The following STPG2 variants were observed in gnomAD, a reference collection of about 807,000 sequenced individuals.
STPG2 encodes sperm-tail PG-rich repeat-containing protein 2.
A neutral mutation model predicts 54.2 loss-of-function variants in STPG2; 56 were observed. The ratio of observed to expected loss-of-function variants is 1.03; its 90% CI spans 0.83 to 1.29. The LOEUF (loss-of-function observed/expected upper bound fraction) is 1.29. Ranked by LOEUF, STPG2 falls within the 50% of genes most tolerant of loss-of-function variation. STPG2 has a pLI of 0.00. For synonymous variants in STPG2, 200 were observed against 181.8 expected (o/e 1.10, Z -0.81); for missense variants, 596 against 544.9 (o/e 1.09, Z -0.93).
chr4:97,583,384 T>C (rs1198669762), intron 10 of STPG2, among the ~76,000 whole-genome samples: 2 of 152,024 alleles, frequency 1.3e-5, no homozygotes, highest in Non-Finnish European at 1.5e-5. Context: ...CTCATCATGA[T>C]GCAGCCATTA....
chr4:97,828,718 C>T (rs2149110126), intron 9 of STPG2, among the ~76,000 whole-genome samples: 1 of 152,236 alleles, frequency 6.6e-6, no homozygotes. Flanking sequence ...GGAGGGGCAT[C>T]CACCACTGCT....
At chr4:98,008,900 C>T (rs1198930632) in intron 5 of STPG2, among the ~76,000 whole-genome samples, 1 of 152,022 alleles carries the variant, frequency 6.6e-6, no homozygotes, top group Admixed American at 6.6e-5. Context: ...AGCTATCAAT[C>T]TGTTCTAGGT....
chr4:98,033,747 TC>T (rs1736679173), intron 5 of STPG2, among the ~76,000 whole-genome samples: 1 of 152,144 alleles, frequency 6.6e-6, no homozygotes, highest in Non-Finnish European at 1.5e-5. Context: ...AAAAAGCTTA[TC>T]CACCACGATC....
At chr4:97,756,524 C>T (rs551056327) in intron 9 of STPG2, among the ~76,000 whole-genome samples, 17 of 152,006 alleles carry the variant, frequency 1.1e-4, no homozygotes, top group Non-Finnish European at 2.5e-4. Flanking sequence ...TGGGGTTGCA[C>T]CATGTTGGCC....
intron 4 of STPG2, among the ~76,000 whole-genome samples, chr4:97,521,544 G>A (rs1003948401): frequency 6.6e-6 from 1 of 151,960 alleles, no homozygotes; most frequent in Non-Finnish European, 1.5e-5. Context: ...AAGATGACGC[G>A]AATATGACAG....
intron 7 of STPG2, among the ~76,000 whole-genome samples, chr4:97,968,235 T>C (rs915771135): frequency 6.6e-6 from 1 of 151,668 alleles, no homozygotes. Flanking sequence ...TAAACACCTC[T>C]ACACGAATTT....
chr4:97,473,889 T>A (rs1730007034), intron 4 of STPG2, among the ~76,000 whole-genome samples: 1 of 152,136 alleles, frequency 6.6e-6, no homozygotes, highest in Non-Finnish European at 1.5e-5. Context: ...CGGGGGTGAA[T>A]TTTGCCTGAT....
rs576807587 is a variant in STPG2 at position 97,793,404 on chromosome 4, G to C, written c.1204+47369C>G. 6.1e-3 allele frequency among the ~76,000 whole-genome samples: 884 copies of C among 146,068 alleles called. 5 individuals are homozygous for C. Among genetic ancestry groups the C allele is most frequent in the African/African-American group, 0.021 (815 of 38,974 alleles). The stretch of plus-strand genomic sequence containing the variant: ...ACACACACACACACACACACACACA[G>C]AGAAATAGCATACATATAAATTATT... On this transcript the variant is annotated intron_variant, in intron 9 of 10. Coordinates refer to ENST00000295268, the MANE Select transcript of STPG2 (RefSeq NM_174952.3).
At position 97,739,725 on chromosome 4, in the gene STPG2, G is replaced by A. The variant is rs1011077568; in HGVS notation, c.1205-26911C>T. Among the ~76,000 whole-genome samples the A allele has an allele frequency of 2.6e-5, 4 of 152,282 alleles. No individual in the cohort carries two copies. In the East Asian group the frequency reaches 7.7e-4, roughly 29 times the overall value. On this transcript the variant is annotated intron_variant, in intron 9 of 10. Transcript: ENST00000295268. Reference sequence around the variant, plus strand: ...TCTGAAATTGTGGCAATAATCAGTAGTTTACCAACCAAAAAGAGTCCAGGA... The same window carrying A: ...TCTGAAATTGTGGCAATAATCAGTAATTTACCAACCAAAAAGAGTCCAGGA...
intron 5 of STPG2, among the ~76,000 whole-genome samples, chr4:98,044,109 T>C (rs916185853): frequency 3.3e-5 from 5 of 152,214 alleles, no homozygotes; most frequent in African/African-American, 1.2e-4. Flanking sequence ...ATATATGCTA[T>C]TGCTGTCAAA....
intron 10 of STPG2, among the ~76,000 whole-genome samples, chr4:97,677,723 G>A (rs928001759): frequency 4.6e-5 from 7 of 152,272 alleles, no homozygotes; most frequent in African/African-American, 9.6e-5. Context: ...ATCTTGAACC[G>A]GAAGGGTGAA....
At chr4:97,444,548 A>C (rs1430659604) in intron 4 of STPG2, among the ~76,000 whole-genome samples, 1 of 152,222 alleles carries the variant, frequency 6.6e-6, no homozygotes, top group Non-Finnish European at 1.5e-5. Flanking sequence ...TCCTTCAAAA[A>C]GGGAAAAGAA....
At chr4:98,010,859 T>A (rs1735723401) in intron 5 of STPG2, among the ~76,000 whole-genome samples, 1 of 152,188 alleles carries the variant, frequency 6.6e-6, no homozygotes, top group Admixed American at 6.6e-5. Flanking sequence ...AACAGTTTAT[T>A]TTAAGCTAAT....
rs140862260 is a variant in STPG2 at position 97,468,840 on chromosome 4, G to C, written c.462+243859C>G. On this transcript the variant is annotated intron_variant, in intron 4 of 4. Coordinates refer to the STPG2 transcript ENST00000522676. ...AGTGGAATGGGAGAATGAAGAAAAA[G>C]ATACCTAAGAAAAGCAGTTTTATTT... 8.1e-3 allele frequency among the ~76,000 whole-genome samples: 1,228 copies of C among 152,100 alleles called. 15 individuals carry two copies. Among genetic ancestry groups the C allele is most frequent in the African/African-American group, 0.027 (1,128 of 41,540 alleles).
chr4:97,561,906 A>C (rs191596907), intron 10 of STPG2, among the ~76,000 whole-genome samples: 1 of 152,176 alleles, frequency 6.6e-6, no homozygotes, highest in East Asian at 1.9e-4. Context: ...TTGGCTTAGG[A>C]TTGACTTGGC....
At chr4:97,704,868 G>A (rs1477244089) in intron 10 of STPG2, among the ~76,000 whole-genome samples, 2 of 151,940 alleles carry the variant, frequency 1.3e-5, no homozygotes, top group Non-Finnish European at 2.9e-5. Flanking sequence ...CTTAGAAACT[G>A]TCATTCAATA....
intron 8 of STPG2, among the ~76,000 whole-genome samples, chr4:97,924,337 T>G (rs763718964): frequency 4.6e-5 from 7 of 152,214 alleles, no homozygotes; most frequent in Non-Finnish European, 1.0e-4. Context: ...TTTAAACATA[T>G]GTGATGGAAA....
At chr4:97,927,546 T>A (rs558085125) in intron 8 of STPG2, among the ~76,000 whole-genome samples, 17 of 152,230 alleles carry the variant, frequency 1.1e-4, no homozygotes, top group South Asian at 6.2e-4. Context: ...TTACATTTTT[T>A]AAAAAAAGTT....
chr4:97,981,198 C>A lies in STPG2; in HGVS notation c.733G>T (p.Val245Phe). The A allele has an allele frequency of 6.2e-7, 1 of 1,613,976 alleles. No individual in the cohort carries two copies. Residue 245 changes from valine to phenylalanine, a missense_variant, in exon 6 of 11, where the codon GTT becomes TTT. Physicochemically the swap from Val to Phe is conservative, Grantham distance 50. Transcript: ENST00000295268. ...GTCCTGATGTCCTGTGTGAATCGAA[C>A]AGCACTTTGACCAAATGGAATATTT... Reference protein sequence around the residue: ...LKNIPFGQSAVRFTQDIRTEE... With the variant: ...LKNIPFGQSAFRFTQDIRTEE...
Sources: allele counts gnomAD v4.1 joint callset (sites outside exome capture counted in the v4.1 genomes callset), GRCh38; gene constraint gnomAD v4.1.1; transcripts MANE v1.5; gene names NCBI Gene and HGNC (gene_info 2026-07-23, HGNC 2026-07-21).